Variants in AVEN observed in about 807,000 individuals in gnomAD.
AVEN encodes the protein cell death regulator Aven.
Under a neutral mutation model 38.1 loss-of-function variants are expected in AVEN, and 41 were observed. That is an observed-to-expected ratio of 1.08 (90% confidence interval 0.84 to 1.40). The LOEUF (loss-of-function observed/expected upper bound fraction) is 1.40. Ranked by LOEUF, AVEN falls within the 40% of genes most tolerant of loss-of-function variation. The probability of loss-of-function intolerance (pLI) is 0.00; values close to 1 mark genes in which losing one functional copy is unlikely to be tolerated. For synonymous variants in AVEN, 206 were observed against 171.8 expected, an observed-to-expected ratio of 1.20 and a Z score of -1.56; for missense variants, 605 against 438.8, an observed-to-expected ratio of 1.38 and a Z score of -3.38.
chr15:33,910,514 T>G (rs896127265), intron 2 of AVEN, among the ~76,000 whole-genome samples: 1 of 152,218 alleles, frequency 6.6e-6, no homozygotes, highest in Non-Finnish European at 1.5e-5. Context: ...TGTCATGTAA[T>G]TATCCTATAG....
At chr15:33,930,295 T>C (rs1350212398) in intron 2 of AVEN, among the ~76,000 whole-genome samples, 2 of 149,630 alleles carry the variant, frequency 1.3e-5, no homozygotes, top group African/African-American at 2.5e-5. Context: ...TCACCCAAGA[T>C]AAGAAGTAAA....
intron 2 of AVEN, among the ~76,000 whole-genome samples, chr15:33,987,733 C>T (rs1045006297): frequency 6.6e-6 from 1 of 152,272 alleles, no homozygotes. Flanking sequence ...AACAGTGTGG[C>T]CCCAGAAGGC....
At chr15:33,915,643 G>A (rs918740217) in intron 2 of AVEN, among the ~76,000 whole-genome samples, 2 of 152,150 alleles carry the variant, frequency 1.3e-5, no homozygotes, top group African/African-American at 4.8e-5. Flanking sequence ...TAACAATTTC[G>A]ATAGAACTCA....
At chr15:33,894,539 G>A (rs1034115555) in intron 2 of AVEN, among the ~76,000 whole-genome samples, 40 of 145,012 alleles carry the variant, frequency 2.8e-4, no homozygotes, top group African/African-American at 9.6e-4. Context: ...AAAAATCATC[G>A]GCCGGGCACA....
At chr15:33,900,334 G>T (rs541474266) in intron 2 of AVEN, among the ~76,000 whole-genome samples, 7 of 148,446 alleles carry the variant, frequency 4.7e-5, no homozygotes, top group Non-Finnish European at 8.9e-5. Context: ...TTGAGACAAA[G>T]TTATTTTCTG....
downstream of AVEN, chr15:33,857,646 G>C: frequency 9.4e-7 from 1 of 1,067,580 alleles, no homozygotes; most frequent in Non-Finnish European, 1.4e-6. Flanking sequence ...TTTCTTAGCC[G>C]CCCTCCACCC....
At chr15:33,893,817 G>A (rs1346250577) in intron 2 of AVEN, among the ~76,000 whole-genome samples, 2 of 152,216 alleles carry the variant, frequency 1.3e-5, no homozygotes, top group East Asian at 1.9e-4. Flanking sequence ...CAGACCAAAT[G>A]TGCAATAAAT....
chr15:34,058,712 A>G (rs522397), intron 5 of AVEN, among the ~76,000 whole-genome samples: 94,656 of 151,980 alleles, frequency 0.62, 30,375 homozygotes, highest in East Asian at 0.81. Flanking sequence ...CTATAAAGCC[A>G]AATTCTTCTG....
chr15:34,039,634 C>G (rs1009692439), upstream of AVEN, among the ~76,000 whole-genome samples: 5 of 152,116 alleles, frequency 3.3e-5, no homozygotes, highest in South Asian at 2.1e-4. Context: ...GAGAGGTGGA[C>G]TGCAGCACGT....
intron 2 of AVEN, among the ~76,000 whole-genome samples, chr15:33,939,842 A>G (rs1457906667): frequency 6.6e-6 from 1 of 152,226 alleles, no homozygotes; most frequent in Non-Finnish European, 1.5e-5. Flanking sequence ...ATGAGGGAGA[A>G]GCCCTCATGA....
At chr15:33,993,666 T>A (rs1302127759) in intron 2 of AVEN, among the ~76,000 whole-genome samples, 1 of 152,108 alleles carries the variant, frequency 6.6e-6, no homozygotes. Context: ...CCAACATAAA[T>A]AACAATCATC....
chr15:34,073,916 AG>A (rs1251645841), intron 1 of AVEN, among the ~76,000 whole-genome samples: 1 of 151,856 alleles, frequency 6.6e-6, no homozygotes, highest in Non-Finnish European at 1.5e-5. Context: ...CTTAGTCTAC[AG>A]GAACTATTTC....
chr15:34,039,835 T>TA (rs913522919), upstream of AVEN, among the ~76,000 whole-genome samples: 7 of 152,032 alleles, frequency 4.6e-5, no homozygotes, highest in Admixed American at 2.6e-4. Flanking sequence ...TTGGAAAGGT[T>TA]AAAAAAAACT....
At chr15:33,867,408 G>C (rs544232874) in intron 5 of AVEN, 87 bp downstream of exon 5, 405 of 1,480,450 alleles carry the variant, frequency 2.7e-4, no homozygotes, top group Non-Finnish European at 3.5e-4. Flanking sequence ...GACACCCAGA[G>C]GGATGTGTGC....
chr15:34,074,679 CCACCGTAAT>C (rs1900696984), exon 1 of AVEN, among the ~76,000 whole-genome samples: 1 of 152,138 alleles, frequency 6.6e-6, no homozygotes. Flanking sequence ...GGATTAGGGT[CCACCGTAAT>C]GACTTCATCT....
At chr15:33,989,353 C>A (rs560653546) in intron 2 of AVEN, among the ~76,000 whole-genome samples, 3 of 151,608 alleles carry the variant, frequency 2.0e-5, no homozygotes, top group East Asian at 3.9e-4. Flanking sequence ...TTGTATAGAA[C>A]TTTATAATTT....
chr15:33,989,013 C>A (rs372392676), intron 2 of AVEN, among the ~76,000 whole-genome samples: 1 of 151,838 alleles, frequency 6.6e-6, no homozygotes, highest in Non-Finnish European at 1.5e-5. Flanking sequence ...TAAACCATTT[C>A]TCAGGCTTCT....
At chr15:33,961,757 G>T (rs1268184739) in intron 2 of AVEN, among the ~76,000 whole-genome samples, 1 of 135,768 alleles carries the variant, frequency 7.4e-6, no homozygotes, top group South Asian at 2.4e-4. Context: ...AGCTTGCAGT[G>T]AGCCGAGATC....
intron 2 of AVEN, among the ~76,000 whole-genome samples, chr15:33,973,312 TTTTGGTAC>T (rs1567441787): frequency 6.6e-6 from 1 of 152,188 alleles, no homozygotes; most frequent in African/African-American, 2.4e-5. Flanking sequence ...TTATAGAATT[TTTTGGTAC>T]AGTAACCTAG....
Sources: gnomAD v4.1 joint callset for allele counts (sites outside exome capture counted in the v4.1 genomes callset) on GRCh38, gnomAD v4.1.1 for gene constraint, MANE v1.5 for transcripts, NCBI Gene and HGNC (gene_info 2026-07-23, HGNC 2026-07-21) for gene names.